Variants in RITA1 observed in about 807,000 individuals in gnomAD.
The protein encoded by RITA1 is RBPJ-interacting and tubulin-associated protein 1.
Under a neutral mutation model 8.7 loss-of-function variants are expected in RITA1, and 15 were observed. That is an observed-to-expected ratio of 1.72 (90% confidence interval 1.15 to 2.65). The LOEUF (loss-of-function observed/expected upper bound fraction) is 2.65. RITA1 is among the 30% of genes most tolerant of loss of function. The pLI is 0.00. For synonymous variants in RITA1, 145 were observed against 156.2 expected (o/e 0.93, Z 0.53); for missense variants, 330 against 363.8 (o/e 0.91, Z 0.76).
At position 113,188,513 on chromosome 12, in the gene RITA1, C is replaced by G. The variant is rs138844629; in HGVS notation, c.302+1465C>G. On this transcript the variant is annotated intron_variant, in intron 3 of 3. Coordinates refer to ENST00000548278, the MANE Select transcript of RITA1 (RefSeq NM_032848.3). ...TGAGCCACCGCGCCTGGCCACAACA[C>G]AAATTTATTTTGTCACAGTCTGGAG... 6.1e-3 allele frequency among the ~76,000 whole-genome samples: 935 copies of G among 152,154 alleles called. 10 individuals carry two copies. Among genetic ancestry groups the G allele is most frequent in the African/African-American group, 0.021 (866 of 41,510 alleles).
At chr12:113,188,882 A>C (rs1165818641) in intron 3 of RITA1, among the ~76,000 whole-genome samples, 2 of 124,570 alleles carry the variant, frequency 1.6e-5, no homozygotes, top group African/African-American at 6.3e-5. Context: ...ACCATCTCGG[A>C]TCACTGCAGC....
chr12:113,185,968 AGGTGCGGGGACG>A lies in RITA1; in HGVS notation c.-246_-235del. The A allele has an allele frequency of 6.5e-7, 1 of 1,535,398 alleles. No individual in the cohort carries two copies. Among genetic ancestry groups the A allele is most frequent in the Non-Finnish European group, 8.7e-7 (1 of 1,146,380 alleles). On this transcript the variant is annotated 5_prime_UTR_variant, in exon 1 of 4. Transcript: ENST00000548278. ...GACGGGTCCAGACCTGGTGGGAAGA[AGGTGCGGGGACG>A]GGTCCCTGAGGATCCCGATGCCTAC... is the stretch of plus-strand genomic sequence containing the variant.
chr12:113,186,216 A>T lies in RITA1; in HGVS notation c.-165A>T. ...AGGTGTGACCTACACATGTGACTTC[A>T]CCTCAGTTTTGTGATCCGTAAAATG... On this transcript the variant is annotated 5_prime_UTR_variant, in exon 2 of 4. Coordinates refer to ENST00000548278, the MANE Select transcript of RITA1 (RefSeq NM_032848.3). The T allele has an allele frequency of 7.4e-7, 1 of 1,346,540 alleles. No individual in the cohort carries two copies. The highest frequency in any genetic ancestry group is 9.9e-7 in the Non-Finnish European group (1 of 1,013,108). The allele number at this position is 1,346,540 out of a possible 1,614,324, so 83.4% of individuals were successfully genotyped here. A position where few individuals can be genotyped will look rare whatever the true frequency, so the allele number is the denominator to read the frequency against.
chr12:113,189,715 C>T (rs960826494), intron 3 of RITA1, among the ~76,000 whole-genome samples: 2 of 142,178 alleles, frequency 1.4e-5, no homozygotes, highest in East Asian at 4.0e-4. Flanking sequence ...GCAGGTATGC[C>T]GTGAATATCT....
chr12:113,187,627 G>A (rs1335168786), intron 3 of RITA1, among the ~76,000 whole-genome samples: 1 of 151,836 alleles, frequency 6.6e-6, no homozygotes, highest in African/African-American at 2.4e-5. Context: ...GTGTGGTGGT[G>A]TGCGCCTGTA....
At position 113,185,884 on chromosome 12, in the gene RITA1, A is replaced by G; in HGVS notation, c.-334A>G. The G allele has an allele frequency of 1.5e-6, 2 of 1,375,146 alleles. No individual in the cohort carries two copies. Among genetic ancestry groups the G allele is most frequent in the African/African-American group, 1.4e-5 (1 of 69,250 alleles). 85.2% of individuals were successfully genotyped at this position (1,375,146 alleles called of 1,614,324 possible). A position where few individuals can be genotyped will look rare whatever the true frequency, so the allele number is the denominator to read the frequency against. ...CTGCCGGGGGTCCGGGGCCCCAGGC[A>G]TTCCGGGCTGCAGATTGACGGGGAT... On this transcript the variant is annotated 5_prime_UTR_variant, in exon 1 of 4. Transcript: ENST00000548278.
At chr12:113,190,973 G>T (rs1325359929) in intron 3 of RITA1, among the ~76,000 whole-genome samples, 1 of 152,228 alleles carries the variant, frequency 6.6e-6, no homozygotes, top group Non-Finnish European at 1.5e-5. Context: ...GGCAGATTCT[G>T]ATTGGACAGG....
chr12:113,192,031 T>C lies in RITA1; in HGVS notation c.*214T>C. 4 of 625,632 alleles carry C rather than the reference T, an allele frequency of 6.4e-6. No homozygotes were observed. The highest frequency in any genetic ancestry group is 1.1e-5 in the Non-Finnish European group (4 of 376,636). The allele number at this position is 625,632 out of a possible 1,614,324, so 38.8% of individuals were successfully genotyped here. A position where few individuals can be genotyped will look rare whatever the true frequency, so the allele number is the denominator to read the frequency against. On this transcript the variant is annotated 3_prime_UTR_variant, in exon 4 of 4. Transcript: ENST00000548278. ...CCCGATTGCGGATTTGGGGGCCACC[T>C]CTAAGATGCCTCTCTCCAGCCCTGT...
intron 3 of RITA1, among the ~76,000 whole-genome samples, chr12:113,188,785 ACCTTTTTTTTTTTTT>A (rs1952565820): frequency 4.2e-5 from 1 of 23,558 alleles, no homozygotes; most frequent in African/African-American, 1.3e-4. Flanking sequence ...AGCCTTAGTT[ACCTTTTTTTTTTTTT>A]TTTTTTTTTT....
Position 113,192,114 on chromosome 12 carries a change from A to C in RITA1, c.*297A>C. 3 of 344,230 alleles carry C rather than the reference A, an allele frequency of 8.7e-6. No individual in the cohort carries two copies. The highest frequency in any genetic ancestry group is 1.6e-5 in the Non-Finnish European group (3 of 188,894). 21.3% of individuals were successfully genotyped at this position (344,230 alleles called of 1,614,324 possible). A position where few individuals can be genotyped will look rare whatever the true frequency, so the allele number is the denominator to read the frequency against. ...GGGCCTGGCACCTCCCACATCATCC[A>C]TTGTCTTGCTGCCAAGTGCGAATAA... On this transcript the variant is annotated 3_prime_UTR_variant, in exon 4 of 4. Transcript: ENST00000548278.
Position 113,192,303 on chromosome 12 carries a change from CTGT to C in RITA1, c.*488_*490del, listed in dbSNP as rs894588511. On this transcript the variant is annotated 3_prime_UTR_variant, in exon 4 of 4. Coordinates refer to ENST00000548278, the MANE Select transcript of RITA1 (RefSeq NM_032848.3). ...CAACTGGGAGATTTGTGAGTGAACA[CTGT>C]TTCATCTTAATATGCTTCTGAATTT... The C allele has an allele frequency of 6.3e-6, 1 of 158,152 alleles. No individual in the cohort carries two copies. The highest frequency in any genetic ancestry group is 2.4e-5 in the African/African-American group (1 of 41,562). 9.8% of individuals were successfully genotyped at this position (158,152 alleles called of 1,614,324 possible). A position where few individuals can be genotyped will look rare whatever the true frequency, so the allele number is the denominator to read the frequency against.
In RITA1 at chr12:113,185,990, G is replaced by A; in HGVS notation, c.-228G>A. The A allele has an allele frequency of 1.3e-6, 2 of 1,535,936 alleles. No homozygotes were observed. The highest frequency in any genetic ancestry group is 2.4e-5 in the South Asian group (2 of 84,058). ...AGAAGGTGCGGGGACGGGTCCCTGA[G>A]GATCCCGATGCCTACGAGCCAAGAT... On this transcript the variant is annotated 5_prime_UTR_variant, in exon 1 of 4. Transcript: ENST00000548278.
At position 113,191,451 on chromosome 12, in the gene RITA1, C is replaced by A; in HGVS notation, c.444C>A (p.Pro148=). 6.2e-7 allele frequency: 1 copy of A among 1,606,382 alleles called. No homozygotes were observed. The highest frequency in any genetic ancestry group is 8.5e-7 in the Non-Finnish European group (1 of 1,174,450). Residue 148 remains proline (P), a synonymous_variant, in exon 4 of 4, where the codon CCC becomes CCA. Coordinates refer to ENST00000548278, the MANE Select transcript of RITA1 (RefSeq NM_032848.3). The surrounding 1 kb of genome is among the most constrained non-coding windows in gnomAD (Gnocchi z 4.0). ...RALLWTPPPT[P]RGSHSPRPRE... is the part of the protein sequence containing the mutation. ...TCTTGTGGACGCCACCACCTACCCC[C>A]AGGGGTAGCCACTCGCCCCGCCCCA... is the stretch of plus-strand genomic sequence containing the variant.
At chr12:113,190,338 A>G (rs1288177908) in intron 3 of RITA1, among the ~76,000 whole-genome samples, 1 of 151,262 alleles carries the variant, frequency 6.6e-6, no homozygotes, top group East Asian at 1.9e-4. Context: ...TCTCAGAAAA[A>G]AAAAGAAAAA....
chr12:113,191,949 G>A lies in RITA1; in HGVS notation c.*132G>A, dbSNP rs1952614306. ...CTGTGGGGGCAGACAGACATAGCAG[G>A]GGTGGGCAGTGCCTCCCTTTATCCT... is the stretch of plus-strand genomic sequence containing the variant. On this transcript the variant is annotated 3_prime_UTR_variant, in exon 4 of 4. Coordinates refer to ENST00000548278, the MANE Select transcript of RITA1 (RefSeq NM_032848.3). This position sits in a 1 kb window ranked among gnomAD's most constrained non-coding sequence, Gnocchi z 4.0. 11 of 1,196,810 alleles carry A rather than the reference G, an allele frequency of 9.2e-6. No individual in the cohort carries two copies. Among genetic ancestry groups the A allele is most frequent in the African/African-American group, 1.5e-5 (1 of 64,846 alleles). 74.1% of individuals were successfully genotyped at this position (1,196,810 alleles called of 1,614,324 possible).
intron 3 of RITA1, among the ~76,000 whole-genome samples, chr12:113,190,373 C>T (rs535088169): frequency 2.6e-5 from 4 of 152,016 alleles, no homozygotes; most frequent in South Asian, 4.2e-4. Context: ...AAAATGGGCA[C>T]GGTGGCTTAC....
intron 3 of RITA1, among the ~76,000 whole-genome samples, chr12:113,187,944 C>T (rs1442791131): frequency 6.6e-6 from 1 of 152,124 alleles, no homozygotes; most frequent in African/African-American, 2.4e-5. Flanking sequence ...AGGGCTCTGT[C>T]CTGTTTATTG....
At position 113,187,425 on chromosome 12, in the gene RITA1, T is replaced by G. The variant is rs1308963084; in HGVS notation, c.302+377T>G. The G allele has an allele frequency of 1.7e-5, 3 of 180,340 alleles. No individual in the cohort carries two copies. In the Admixed American group the frequency reaches 1.8e-4, roughly 11 times the overall value. 11.2% of individuals were successfully genotyped at this position (180,340 alleles called of 1,614,324 possible). A position where few individuals can be genotyped will look rare whatever the true frequency, so the allele number is the denominator to read the frequency against. On this transcript the variant is annotated intron_variant, in intron 3 of 3. Transcript: ENST00000548278. Reference sequence around the variant, plus strand: ...AGCTTATTAATATTAATGTGTTCGATCCTTGAAATGACATAGATGTGGTGT... The same window carrying G: ...AGCTTATTAATATTAATGTGTTCGAGCCTTGAAATGACATAGATGTGGTGT...
chr12:113,186,068 C>T, intron 1 of RITA1, 47 bp downstream of exon 1: 3 of 1,535,856 alleles, frequency 2.0e-6, no homozygotes, highest in African/African-American at 1.4e-5. Flanking sequence ...ACTTTTTAAT[C>T]GGGTCATTGA....
Sources: allele counts gnomAD v4.1 joint callset (sites outside exome capture counted in the v4.1 genomes callset), GRCh38; gene constraint gnomAD v4.1.1; non-coding constraint Gnocchi (gnomAD v3.1); transcripts MANE v1.5; gene names NCBI Gene and HGNC (gene_info 2026-07-23, HGNC 2026-07-21).